The following ZPR1 variants were observed in gnomAD, a reference collection of about 807,000 sequenced individuals.
ZPR1 encodes the protein ZPR1 zinc finger.
ZPR1 carries 37 observed loss-of-function variants against 59.6 expected under a neutral mutation model. The ratio of observed to expected loss-of-function variants is 0.62; its 90% CI spans 0.48 to 0.82. The LOEUF (loss-of-function observed/expected upper bound fraction) is 0.82. Among genes scored for constraint, ZPR1 ranks in the 40% least tolerant of loss-of-function variants. ZPR1 has a pLI of 0.00. For synonymous variants in ZPR1, 191 were observed against 215.2 expected, an observed-to-expected ratio of 0.89 and a Z score of 0.99; for missense variants, 527 against 579.9, an observed-to-expected ratio of 0.91 and a Z score of 0.94.
chr11:116,779,103 C>A (rs1464629885), intron 13 of ZPR1, 44 bp from the exon 14 acceptor site: 2 of 1,606,080 alleles, frequency 1.2e-6, no homozygotes, highest in Non-Finnish European at 1.7e-6. Context: ...GTGCCACTCC[C>A]CCTCTCTGCA....
chr11:116,776,716 A>T lies in ZPR1; in HGVS notation c.*2209T>A, dbSNP rs1365419748. ...CTCACACCAACCAAACTCACAAGAG[A>T]TTCAGTAATAAGCCAGAGTGCCATT... On this transcript the variant is annotated 3_prime_UTR_variant, in exon 14 of 14. Coordinates refer to ENST00000227322, the MANE Select transcript of ZPR1 (RefSeq NM_003904.5). The T allele has an allele frequency of 6.6e-6, 1 of 152,218 alleles. No homozygotes were observed. 9.4% of individuals were successfully genotyped at this position (152,218 alleles called of 1,614,324 possible).
intron 1 of ZPR1, 85 bp from the exon 2 acceptor site, chr11:116,787,728 C>A: frequency 1.3e-6 from 2 of 1,528,462 alleles, no homozygotes; most frequent in Middle Eastern, 2.4e-4. Context: ...CCTCGGGGTC[C>A]CCGGCCGGGC....
intron 2 of ZPR1, chr11:116,787,271 A>T (rs1940902318): frequency 3.0e-6 from 2 of 668,674 alleles, no homozygotes; most frequent in South Asian, 1.9e-5. Context: ...ACTACTGCTC[A>T]TTTCATACCC....
intron 12 of ZPR1, among the ~76,000 whole-genome samples, chr11:116,780,995 T>G (rs951827752): frequency 6.6e-6 from 1 of 152,152 alleles, no homozygotes; most frequent in African/African-American, 2.4e-5. Context: ...ACTACATCCT[T>G]AAGACAGGAT....
intron 8 of ZPR1, 87 bp downstream of exon 8, chr11:116,784,768 T>C (rs1940859027): frequency 1.5e-6 from 2 of 1,372,392 alleles, no homozygotes; most frequent in Middle Eastern, 1.8e-4. Flanking sequence ...AAGCATGTGT[T>C]TTCCTTGAAA....
chr11:116,787,367 A>G, intron 2 of ZPR1, 115 bp downstream of exon 2: 1 of 1,108,714 alleles, frequency 9.0e-7, no homozygotes, highest in Non-Finnish European at 1.3e-6. Flanking sequence ...AAAGAAACTA[A>G]GGCTAGGAGA....
In ZPR1 at chr11:116,777,316, G is replaced by A. The variant is rs138055481; in HGVS notation, c.*1609C>T. The A allele has an allele frequency of 2.0e-5, 3 of 152,342 alleles. No individual in the cohort carries two copies. Among genetic ancestry groups the A allele is most frequent in the African/African-American group, 4.8e-5 (2 of 41,582 alleles). The allele number at this position is 152,342 out of a possible 1,614,324, so 9.4% of individuals were successfully genotyped here. On this transcript the variant is annotated 3_prime_UTR_variant, in exon 14 of 14. Coordinates refer to ENST00000227322, the MANE Select transcript of ZPR1 (RefSeq NM_003904.5). ...TTTGAGAGTAGTTTAACAGAGCAACGAGAGTAGATGTCTGATTGCTAAATC... is the reference window on the plus strand; with the variant it reads ...TTTGAGAGTAGTTTAACAGAGCAACAAGAGTAGATGTCTGATTGCTAAATC...
rs1940713894 is a variant in ZPR1 at position 116,775,659 on chromosome 11, A to AAAAAAAAAAAAAAAAC, written c.*3265_*3266insGTTTTTTTTTTTTTTT. ...AAAAAAAAAAAAAAAAAAAAAAAAA[A>AAAAAAAAAAAAAAAAC]AAAGCTCTGCTTCCTTCTGGAAGTA... On this transcript the variant is annotated 3_prime_UTR_variant, in exon 14 of 14. Transcript: ENST00000227322. The AAAAAAAAAAAAAAAAC allele has an allele frequency of 6.7e-6, 1 of 148,524 alleles. No homozygotes were observed. The highest frequency in any genetic ancestry group is 1.6e-5 in the Non-Finnish European group (1 of 63,906). The allele number at this position is 148,524 out of a possible 1,614,324, so 9.2% of individuals were successfully genotyped here.
At chr11:116,779,402 C>T (rs17120029) in intron 13 of ZPR1, among the ~76,000 whole-genome samples, 16,063 of 152,156 alleles carry the variant, frequency 0.11, 1,113 homozygotes, top group African/African-American at 0.19. Context: ...GTACATCAAT[C>T]ACCAGACTCT....
At chr11:116,784,287 C>G (rs1159681849) in intron 9 of ZPR1, 91 bp downstream of exon 9, 1 of 1,344,468 alleles carries the variant, frequency 7.4e-7, no homozygotes, top group African/African-American at 1.4e-5. Context: ...ACACCCCCTG[C>G]CCCCGAGTAC....
chr11:116,779,288 A>G (rs1221783589), intron 13 of ZPR1, among the ~76,000 whole-genome samples: 1 of 152,236 alleles, frequency 6.6e-6, no homozygotes, highest in African/African-American at 2.4e-5. Context: ...CTATTTTGTT[A>G]TATCTGCACC....
At chr11:116,784,732 T>C (rs1276100817) in intron 8 of ZPR1, 123 bp downstream of exon 8, 4 of 1,072,422 alleles carry the variant, frequency 3.7e-6, no homozygotes, top group African/African-American at 3.1e-5. Context: ...TAATCAAAGA[T>C]AATATCTTCC....
chr11:116,784,797 T>G, intron 8 of ZPR1, 58 bp downstream of exon 8: 4 of 1,560,360 alleles, frequency 2.6e-6, no homozygotes, highest in Middle Eastern at 1.7e-4. Context: ...CCCAGCCTGA[T>G]TATAATCTTC....
In ZPR1 at chr11:116,778,138, A is replaced by G. The variant is rs942636341; in HGVS notation, c.*787T>C. 1.3e-5 allele frequency: 2 copies of G among 152,260 alleles called. No individual in the cohort carries two copies. Among genetic ancestry groups the G allele is most frequent in the East Asian group, 3.9e-4 (2 of 5,176 alleles). 9.4% of individuals were successfully genotyped at this position (152,260 alleles called of 1,614,324 possible). A position where few individuals can be genotyped will look rare whatever the true frequency, so the allele number is the denominator to read the frequency against. ...TACTCCCCATTTCCTTGCACAACCC[A>G]GCCCCATTCCCTGCTTTACATTCCT... On this transcript the variant is annotated 3_prime_UTR_variant, in exon 14 of 14. Transcript: ENST00000227322.
In ZPR1 at chr11:116,774,864, C is replaced by G. The variant is rs1027220314; in HGVS notation, c.*4061G>C. The G allele has an allele frequency of 6.6e-6, 1 of 152,542 alleles. No homozygotes were observed. The highest frequency in any genetic ancestry group is 1.5e-5 in the Non-Finnish European group (1 of 68,312). The allele number at this position is 152,542 out of a possible 1,614,324, so 9.4% of individuals were successfully genotyped here. Reference sequence around the variant, plus strand: ...CACACTTCTGCTCCAGTGAACACTGCCAGGATAGCCCTCTGAACTTCCACC... The same window carrying G: ...CACACTTCTGCTCCAGTGAACACTGGCAGGATAGCCCTCTGAACTTCCACC... On this transcript the variant is annotated 3_prime_UTR_variant, in exon 14 of 14. Coordinates refer to ENST00000227322, the MANE Select transcript of ZPR1 (RefSeq NM_003904.5).
At position 116,787,476 on chromosome 11, in the gene ZPR1, T is replaced by A. The variant is rs1565322830; in HGVS notation, c.333+6A>T. ...TACTGAGGTACCTGCTCTGAGGTCC[T>A]CTCACCTCCAGAGCCCTGACAGACA... is the stretch of plus-strand genomic sequence containing the variant. On this transcript the variant is annotated splice_donor_region_variant and intron_variant, in intron 2 of 13. Coordinates refer to ENST00000227322, the MANE Select transcript of ZPR1 (RefSeq NM_003904.5). The A allele has an allele frequency of 6.2e-7, 1 of 1,612,786 alleles. No individual in the cohort carries two copies. The highest frequency in any genetic ancestry group is 8.5e-7 in the Non-Finnish European group (1 of 1,178,964).
rs1940736182 is a variant in ZPR1, at chr11:116,777,326, G to A, written c.*1599C>T. The A allele has an allele frequency of 6.6e-6, 1 of 152,226 alleles. No homozygotes were observed. The highest frequency in any genetic ancestry group is 6.5e-5 in the Admixed American group (1 of 15,290). The allele number at this position is 152,226 out of a possible 1,614,324, so 9.4% of individuals were successfully genotyped here. ...GTTTAACAGAGCAACGAGAGTAGAT[G>A]TCTGATTGCTAAATCATCTCTAACT... is the stretch of plus-strand genomic sequence containing the variant. On this transcript the variant is annotated 3_prime_UTR_variant, in exon 14 of 14. Transcript: ENST00000227322.
Position 116,782,169 on chromosome 11 carries a change from T to G in ZPR1, c.1168A>C (p.Lys390Gln). ...QTERLQEFSQKMDQIIEGNMK... is the reference protein window; with the variant it reads ...QTERLQEFSQQMDQIIEGNMK... Reference sequence around the variant, plus strand: ...CAGTGACCTCTTACCTGGTCCATCTTCTGGCTAAACTCCTGTAGTCTCTCC... The same window carrying G: ...CAGTGACCTCTTACCTGGTCCATCTGCTGGCTAAACTCCTGTAGTCTCTCC... The change falls in exon 12 of 14, where the codon AAG becomes CAG. Residue 390 changes from lysine (K) to glutamine (Q), a missense_variant. Physicochemically the swap from Lys to Gln is moderately conservative, Grantham distance 53. Coordinates refer to ENST00000227322, the MANE Select transcript of ZPR1 (RefSeq NM_003904.5). 1 of 1,614,122 alleles carries G rather than the reference T, an allele frequency of 6.2e-7. No individual in the cohort carries two copies. Among genetic ancestry groups the G allele is most frequent in the Non-Finnish European group, 8.5e-7 (1 of 1,179,968 alleles).
chr11:116,785,631 A>G lies in ZPR1; in HGVS notation c.588T>C (p.Ile196=). The change falls in exon 6 of 14, where the codon ATT becomes ATC. Residue 196 remains isoleucine, a synonymous_variant. Coordinates refer to ENST00000227322, the MANE Select transcript of ZPR1 (RefSeq NM_003904.5). ...CAAAACTGTTCCCTGAGGGATCATC[A>G]ATGATCTAACAAATGGGAGAAGAGA... ...KQVASPFTLI[I]DDPSGNSFVE... 6.2e-7 allele frequency: 1 copy of G among 1,614,148 alleles called. No homozygotes were observed. Among genetic ancestry groups the G allele is most frequent in the South Asian group, 1.1e-5 (1 of 91,084 alleles).
Sources: allele counts gnomAD v4.1 joint callset (sites outside exome capture counted in the v4.1 genomes callset), GRCh38; gene constraint gnomAD v4.1.1; transcripts MANE v1.5; gene names NCBI Gene and HGNC (gene_info 2026-07-23, HGNC 2026-07-21).